OLAH: variants seen among roughly 807,000 people sequenced by gnomAD.
The protein encoded by OLAH is oleoyl-ACP hydrolase.
OLAH carries 33 observed loss-of-function variants against 27.8 expected under a neutral mutation model. The ratio of observed to expected loss-of-function variants is 1.19; its 90% CI spans 0.90 to 1.59. The LOEUF (loss-of-function observed/expected upper bound fraction) is 1.59. Ranked by LOEUF, OLAH falls within the 40% of genes most tolerant of loss-of-function variation. The probability of loss-of-function intolerance (pLI) is 0.00; values close to 1 mark genes in which losing one functional copy is unlikely to be tolerated. For synonymous variants in OLAH, 120 were observed against 102.9 expected (o/e 1.17, Z -1.01); for missense variants, 359 against 310.8 (o/e 1.16, Z -1.17).
intron 1 of OLAH, among the ~76,000 whole-genome samples, chr10:15,044,839 C>A (rs1843984824): frequency 6.6e-6 from 1 of 152,072 alleles, no homozygotes; most frequent in Admixed American, 6.6e-5. Context: ...TAATAGTTTT[C>A]TTCTGTGTTT....
intron 1 of OLAH, among the ~76,000 whole-genome samples, chr10:15,044,622 A>T (rs1335449723): frequency 6.6e-6 from 1 of 152,058 alleles, no homozygotes; most frequent in East Asian, 1.9e-4. Context: ...GTTTCTTTAA[A>T]AATTGTCTCC....
rs752265045 is a variant in OLAH, at chr10:15,073,231, TA to T, written c.*3del. On this transcript the variant is annotated 3_prime_UTR_variant, in exon 8 of 8. Coordinates refer to ENST00000378228, the MANE Select transcript of OLAH (RefSeq NM_001039702.3). Reference sequence around the variant, plus strand: ...GTATCATCGATATCCAATTTTTAGATATTTTCCCTTTCACTTTTAAAATAAT... The same window carrying T: ...GTATCATCGATATCCAATTTTTAGATTTTTCCCTTTCACTTTTAAAATAAT... 45 of 1,551,076 alleles carry T rather than the reference TA, an allele frequency of 2.9e-5. No individual in the cohort carries two copies. The African/African-American group carries it at 5.8e-4, about 20-fold the overall frequency.
chr10:15,041,202 A>C (rs982186132), upstream of OLAH, among the ~76,000 whole-genome samples: 1 of 152,226 alleles, frequency 6.6e-6, no homozygotes, highest in Non-Finnish European at 1.5e-5. Flanking sequence ...CATTATCACC[A>C]GCACGATAGG....
Position 15,061,726 on chromosome 10 carries a change from C to A in OLAH, c.166C>A (p.His56Asn). ...CACTTGTGTTTCTCCATCTCCAGTG[C>A]ACTCCTTAAGGCTTCCTGGAAGAGA... is the stretch of plus-strand genomic sequence containing the variant. ...GQDTHDLLEV[H>N]SLRLPGRESR... Residue 56 changes from histidine to asparagine, a missense_variant and splice_region_variant, in exon 4 of 8, where the codon CAC becomes AAC. Transcript: ENST00000378228. The A allele has an allele frequency of 6.2e-7, 1 of 1,604,502 alleles. No individual in the cohort carries two copies. Among genetic ancestry groups the A allele is most frequent in the South Asian group, 1.1e-5 (1 of 89,350 alleles).
intron 1 of OLAH, among the ~76,000 whole-genome samples, chr10:15,044,847 T>C (rs1843984962): frequency 6.6e-6 from 1 of 152,170 alleles, no homozygotes; most frequent in Non-Finnish European, 1.5e-5. Flanking sequence ...TTCTTCTGTG[T>C]TTCTTGGTTT....
At position 15,050,523 on chromosome 10, in the gene OLAH, C is replaced by G. The variant is rs1844114520; in HGVS notation, c.163+758C>G. Among the ~76,000 whole-genome samples the G allele has an allele frequency of 2.7e-5, 4 of 150,244 alleles. No homozygotes were observed. In the South Asian group the frequency reaches 8.4e-4, roughly 32 times the overall value. ...CCTCAGGTGATCCACCCACCTTGGC[C>G]TCCCAAAGTGCTAGGATTTTTTTTT... On this transcript the variant is annotated intron_variant, in intron 3 of 7. Coordinates refer to ENST00000378228, the MANE Select transcript of OLAH (RefSeq NM_001039702.3).
chr10:15,063,805 T>C (rs758466092), intron 4 of OLAH, among the ~76,000 whole-genome samples: 1 of 152,206 alleles, frequency 6.6e-6, no homozygotes, highest in Non-Finnish European at 1.5e-5. Flanking sequence ...AAAAAGACTA[T>C]ATTTTCCAAA....
chr10:15,061,908 C>A (rs1387331625), intron 4 of OLAH, 46 bp downstream of exon 4: 67 of 1,581,210 alleles, frequency 4.2e-5, no homozygotes, highest in Non-Finnish European at 5.6e-5. Context: ...TTTCTTCTAT[C>A]TGAAGTTTGA....
intron 1 of OLAH, chr10:15,038,540 T>C (rs1843875790): frequency 6.6e-6 from 1 of 152,160 alleles, no homozygotes; most frequent in South Asian, 2.1e-4. Flanking sequence ...TGTTAGTGAA[T>C]GAGTCTCATG....
upstream of OLAH, among the ~76,000 whole-genome samples, chr10:15,039,248 A>G (rs1843885800): frequency 6.6e-6 from 1 of 151,932 alleles, no homozygotes; most frequent in Admixed American, 6.6e-5. Context: ...GGGAATTGCA[A>G]CTCAAAGAAA....
At chr10:15,037,580 C>CAAAAAA (rs66522152) in intron 1 of OLAH, among the ~76,000 whole-genome samples, 2 of 141,208 alleles carry the variant, frequency 1.4e-5, no homozygotes, top group East Asian at 2.2e-4. Context: ...GACTCCGTAT[C>CAAAAAA]AAAAAAAAAA....
chr10:15,047,807 C>A (rs1227928748), intron 2 of OLAH, among the ~76,000 whole-genome samples: 1 of 151,868 alleles, frequency 6.6e-6, no homozygotes, highest in Non-Finnish European at 1.5e-5. Context: ...AAATTATCCA[C>A]CCCCCCAAAA....
At chr10:15,039,735 A>G, upstream of OLAH, among the ~76,000 whole-genome samples, 1 of 152,238 alleles carries the variant, frequency 6.6e-6, no homozygotes, top group East Asian at 1.9e-4. Context: ...AGAAGAAGGC[A>G]ACATTTCAGG....
intron 3 of OLAH, among the ~76,000 whole-genome samples, chr10:15,059,570 C>T (rs1844322011): frequency 6.6e-6 from 1 of 152,058 alleles, no homozygotes; most frequent in Non-Finnish European, 1.5e-5. Flanking sequence ...CTTTGGGAGG[C>T]CAGGGTGGGC....
upstream of OLAH, among the ~76,000 whole-genome samples, chr10:15,039,082 C>G (rs887532777): frequency 6.6e-6 from 1 of 151,684 alleles, no homozygotes; most frequent in Non-Finnish European, 1.5e-5. Flanking sequence ...TAGAATTAGG[C>G]AGGTGTGGTG....
upstream of OLAH, among the ~76,000 whole-genome samples, chr10:15,042,413 G>A (rs749361553): frequency 6.6e-6 from 1 of 152,110 alleles, no homozygotes; most frequent in Non-Finnish European, 1.5e-5. Flanking sequence ...TTGGCCTCCT[G>A]AAGTGCTAGG....
chr10:15,054,706 T>G (rs1194914342), intron 3 of OLAH, among the ~76,000 whole-genome samples: 1 of 152,178 alleles, frequency 6.6e-6, no homozygotes, highest in Non-Finnish European at 1.5e-5. Flanking sequence ...TTGCTTGTAC[T>G]CCATATCTAA....
At chr10:15,059,225 T>C (rs1172725521) in intron 3 of OLAH, among the ~76,000 whole-genome samples, 1 of 140,134 alleles carries the variant, frequency 7.1e-6, no homozygotes, top group African/African-American at 2.7e-5. Flanking sequence ...TCTCATCCTG[T>C]CTCCCAGCTT....
chr10:15,038,554 T>G (rs1015844033), intron 1 of OLAH: 5 of 152,168 alleles, frequency 3.3e-5, no homozygotes, highest in African/African-American at 1.2e-4. Context: ...TCTCATGAGA[T>G]CTGACAGTTT....
Sources: gnomAD v4.1 joint callset for allele counts (sites outside exome capture counted in the v4.1 genomes callset) on GRCh38, gnomAD v4.1.1 for gene constraint, MANE v1.5 for transcripts, NCBI Gene and HGNC (gene_info 2026-07-23, HGNC 2026-07-21) for gene names.